The following INPP4B variants were observed in gnomAD, a reference collection of about 807,000 sequenced individuals.
INPP4B encodes the protein inositol polyphosphate-4-phosphatase type II B.
In INPP4B, 55 loss-of-function variants were observed where a neutral mutation model predicts 122.5. The ratio of observed to expected loss-of-function variants is 0.45; its 90% CI spans 0.36 to 0.56. The LOEUF (loss-of-function observed/expected upper bound fraction) is 0.56, where lower values mean the gene tolerates loss of function less well. INPP4B is among the 20% of genes least tolerant of loss of function. INPP4B has a pLI of 0.00. For missense variants in INPP4B, 1,000 were observed against 1,097.7 expected (o/e 0.91, Z 1.26); for synonymous variants, 403 against 388.7 (o/e 1.04, Z -0.43).
chr4:142,590,889 A>AAG (rs1737315678), intron 2 of INPP4B, among the ~76,000 whole-genome samples: 1 of 150,950 alleles, frequency 6.6e-6, no homozygotes, highest in South Asian at 2.1e-4. Flanking sequence ...TCCAAAAAAA[A>AAG]AAAAAAAAAA....
intron 2 of INPP4B, among the ~76,000 whole-genome samples, chr4:142,611,638 T>TA (rs1491474092): frequency 3.5e-4 from 3 of 8,590 alleles, no homozygotes; most frequent in Non-Finnish European, 6.9e-4. Flanking sequence ...TTCTTTTTTC[T>TA]TTTTTTTTTT....
intron 5 of INPP4B, among the ~76,000 whole-genome samples, chr4:142,411,955 T>C (rs796486540): frequency 5.4e-4 from 82 of 152,200 alleles, no homozygotes; most frequent in African/African-American, 1.9e-3. Flanking sequence ...CCTCCCTCAA[T>C]AGCACCATTC....
chr4:142,842,713 A>C (rs1447901611), intron 1 of INPP4B, among the ~76,000 whole-genome samples: 1 of 132,128 alleles, frequency 7.6e-6, no homozygotes, highest in Non-Finnish European at 1.6e-5. Flanking sequence ...TATAAATATA[A>C]TATATTAATA....
chr4:142,383,871 G>A, intron 7 of INPP4B: 1 of 499,796 alleles, frequency 2.0e-6, no homozygotes, highest in Non-Finnish European at 3.5e-6. Flanking sequence ...ATATCCGGGT[G>A]GCGGGAACAC....
chr4:142,361,467 G>A (rs1785370663), intron 7 of INPP4B, among the ~76,000 whole-genome samples: 1 of 151,896 alleles, frequency 6.6e-6, no homozygotes, highest in Admixed American at 6.6e-5. Flanking sequence ...TGTTAGGATT[G>A]GCAATTATCC....
chr4:142,207,332 G>GCTTT (rs1561482726), intron 14 of INPP4B, among the ~76,000 whole-genome samples: 1 of 152,092 alleles, frequency 6.6e-6, no homozygotes, highest in Non-Finnish European at 1.5e-5. Context: ...CCCTATCGTA[G>GCTTT]CTTTACTTTT....
At chr4:142,232,178 T>C (rs946524650) in intron 12 of INPP4B, among the ~76,000 whole-genome samples, 7 of 152,188 alleles carry the variant, frequency 4.6e-5, no homozygotes, top group Non-Finnish European at 7.4e-5. Context: ...TTTACTAATT[T>C]TTTGTTAAAA....
intron 14 of INPP4B, among the ~76,000 whole-genome samples, chr4:142,198,508 C>T (rs954759681): frequency 6.6e-6 from 1 of 151,124 alleles, no homozygotes; most frequent in Non-Finnish European, 1.5e-5. Context: ...TTCCAGCGTT[C>T]TCCCATGCTT....
At chr4:142,834,961 C>G (rs1332548587) in intron 1 of INPP4B, among the ~76,000 whole-genome samples, 2 of 152,220 alleles carry the variant, frequency 1.3e-5, no homozygotes, top group African/African-American at 4.8e-5. Context: ...ATAAGCTCTT[C>G]ACCTGTTTTC....
intron 2 of INPP4B, among the ~76,000 whole-genome samples, chr4:142,615,059 G>T (rs1174582533): frequency 6.6e-6 from 1 of 152,106 alleles, no homozygotes; most frequent in Non-Finnish European, 1.5e-5. Flanking sequence ...CAAAGGAAAA[G>T]AAATCATTAT....
intron 9 of INPP4B, among the ~76,000 whole-genome samples, chr4:142,298,593 A>G (rs1759864138): frequency 6.8e-6 from 1 of 147,680 alleles, no homozygotes; most frequent in Admixed American, 6.8e-5. Flanking sequence ...GCTGAGGCAG[A>G]TAATTGCTTC....
At chr4:142,151,299 C>G (rs1170669566) in intron 17 of INPP4B, among the ~76,000 whole-genome samples, 1 of 152,070 alleles carries the variant, frequency 6.6e-6, no homozygotes, top group African/African-American at 2.4e-5. Context: ...CACCACATAT[C>G]AACATCCACA....
At chr4:142,511,038 T>A (rs1465958667) in intron 2 of INPP4B, among the ~76,000 whole-genome samples, 7 of 152,172 alleles carry the variant, frequency 4.6e-5, no homozygotes, top group Admixed American at 4.6e-4. Context: ...TTTCACCTCA[T>A]TTTTTATTCC....
chr4:142,387,294 G>A (rs1237247489), intron 7 of INPP4B, among the ~76,000 whole-genome samples: 1 of 151,996 alleles, frequency 6.6e-6, no homozygotes, highest in African/African-American at 2.4e-5. Flanking sequence ...AAGTCATCAA[G>A]GGAACCTGAG....
chr4:142,178,785 A>AG (rs1299234347), intron 15 of INPP4B, among the ~76,000 whole-genome samples: 1 of 151,806 alleles, frequency 6.6e-6, no homozygotes, highest in Non-Finnish European at 1.5e-5. Context: ...GAGAAAAAAA[A>AG]ATCTAGAACT....
At chr4:142,792,926 C>A (rs1561074981) in intron 1 of INPP4B, among the ~76,000 whole-genome samples, 1 of 152,008 alleles carries the variant, frequency 6.6e-6, no homozygotes, top group South Asian at 2.1e-4. Context: ...GTTCTCTATA[C>A]CCCAATCTTG....
At chr4:142,420,506 A>G (rs1806649306) in intron 5 of INPP4B, among the ~76,000 whole-genome samples, 1 of 152,152 alleles carries the variant, frequency 6.6e-6, no homozygotes, top group South Asian at 2.1e-4. Context: ...CCCACCCGAC[A>G]GATGTGTAAA....
chr4:142,253,698 G>A (rs1024719644), intron 11 of INPP4B, among the ~76,000 whole-genome samples: 7 of 152,222 alleles, frequency 4.6e-5, no homozygotes, highest in African/African-American at 1.7e-4. Flanking sequence ...TGGCTCGGAG[G>A]GTCCTACGCC....
intron 21 of INPP4B, among the ~76,000 whole-genome samples, chr4:142,113,900 T>G (rs1791545007): frequency 6.6e-6 from 1 of 152,012 alleles, no homozygotes; most frequent in South Asian, 2.1e-4. Flanking sequence ...ATGACAATAA[T>G]CCAGGTTTAG....
Sources: allele counts gnomAD v4.1 joint callset (sites outside exome capture counted in the v4.1 genomes callset), GRCh38; gene constraint gnomAD v4.1.1; transcripts MANE v1.5; gene names NCBI Gene and HGNC (gene_info 2026-07-23, HGNC 2026-07-21).